Variants in RARB observed in about 807,000 individuals in gnomAD.
RARB encodes retinoic acid receptor beta.
A neutral mutation model predicts 51.9 loss-of-function variants in RARB; 17 were observed. The observed-to-expected ratio is 0.33, with a 90% CI of 0.22 to 0.49. The LOEUF is 0.49. Among genes scored for constraint, RARB ranks in the 20% least tolerant of loss-of-function variants. RARB has a pLI of 0.99. For synonymous variants in RARB, 215 were observed against 195.4 expected, an observed-to-expected ratio of 1.10 and a Z score of -0.84; for missense variants, 369 against 550.8, an observed-to-expected ratio of 0.67 and a Z score of 3.30.
intron 3 of RARB, among the ~76,000 whole-genome samples, chr3:25,119,445 T>C (rs1699743450): frequency 6.6e-6 from 1 of 152,096 alleles, no homozygotes; most frequent in Admixed American, 6.6e-5. Flanking sequence ...ATTGTGAGGA[T>C]TAAGCAAAGT....
chr3:25,166,276 A>G (rs1011864855), intron 4 of RARB, among the ~76,000 whole-genome samples: 2 of 152,220 alleles, frequency 1.3e-5, no homozygotes, highest in African/African-American at 4.8e-5. Context: ...ACCACCAGGC[A>G]TGCAAAACTG....
At chr3:24,983,630 A>G (rs1176069398) in intron 2 of RARB, among the ~76,000 whole-genome samples, 2 of 152,016 alleles carry the variant, frequency 1.3e-5, no homozygotes, top group Non-Finnish European at 2.9e-5. Flanking sequence ...GAGAACCTTT[A>G]TCTTACTACT....
chr3:24,993,142 T>C (rs1242484204), intron 2 of RARB, among the ~76,000 whole-genome samples: 1 of 152,192 alleles, frequency 6.6e-6, no homozygotes, highest in African/African-American at 2.4e-5. Flanking sequence ...TTTCTTTATA[T>C]AGGGAATACA....
Position 25,247,965 on chromosome 3 carries a change from TGA to T in RARB, c.178+73394_178+73395del, listed in dbSNP as rs1702608989. Among the ~76,000 whole-genome samples the T allele has an allele frequency of 3.3e-5, 5 of 152,354 alleles. No individual in the cohort carries two copies. In the South Asian group the frequency reaches 1.0e-3, roughly 32 times the overall value. ...TCTGTCTAGATGATCTGCTTAATGC[TGA>T]GAGTGGAGTGTTGAAGTCCCCAACT... On this transcript the variant is annotated intron_variant, in intron 5 of 11. Transcript: ENST00000383772.
At chr3:25,064,477 ACTC>A (rs1376739545) in intron 3 of RARB, among the ~76,000 whole-genome samples, 1 of 152,062 alleles carries the variant, frequency 6.6e-6, no homozygotes, top group Admixed American at 6.6e-5. Flanking sequence ...CCAAAAAAGA[ACTC>A]CTGCTTAGTG....
intron 1 of RARB, among the ~76,000 whole-genome samples, chr3:25,448,583 T>C (rs1222404750): frequency 2.0e-5 from 3 of 152,108 alleles, no homozygotes; most frequent in African/African-American, 7.2e-5. Flanking sequence ...TTCTCCTGCC[T>C]CAGCCTCCCG....
chr3:24,863,860 C>G (rs986997373), intron 2 of RARB, among the ~76,000 whole-genome samples: 1 of 152,124 alleles, frequency 6.6e-6, no homozygotes, highest in African/African-American at 2.4e-5. Flanking sequence ...CCAGAAACTT[C>G]TGTATCTATG....
At chr3:25,577,943 C>G (rs1701008682) in intron 4 of RARB, among the ~76,000 whole-genome samples, 1 of 152,274 alleles carries the variant, frequency 6.6e-6, no homozygotes, top group Non-Finnish European at 1.5e-5. Context: ...GGGACCTCCT[C>G]TGGAAGCCCT....
intron 3 of RARB, among the ~76,000 whole-genome samples, chr3:25,535,621 T>G (rs1699109115): frequency 6.6e-6 from 1 of 152,166 alleles, no homozygotes; most frequent in East Asian, 1.9e-4. Context: ...CCATGTGTTC[T>G]CATTGTTCAA....
At chr3:25,261,216 GTCA>G (rs1702989541) in intron 5 of RARB, among the ~76,000 whole-genome samples, 1 of 152,084 alleles carries the variant, frequency 6.6e-6, no homozygotes, top group South Asian at 2.1e-4. Flanking sequence ...TTAGATGATG[GTCA>G]TCATGATCAC....
intron 3 of RARB, among the ~76,000 whole-genome samples, chr3:25,096,656 G>A (rs759190426): frequency 6.6e-6 from 1 of 151,996 alleles, no homozygotes; most frequent in African/African-American, 2.4e-5. Context: ...AAAGGCAAGA[G>A]AGGGTGGAGA....
At chr3:25,167,410 G>A (rs1700577758) in intron 4 of RARB, among the ~76,000 whole-genome samples, 1 of 152,134 alleles carries the variant, frequency 6.6e-6, no homozygotes, top group Non-Finnish European at 1.5e-5. Context: ...AAGATGGACA[G>A]CAAATGTGCA....
At chr3:24,917,311 C>CT (rs976975272) in intron 2 of RARB, among the ~76,000 whole-genome samples, 1 of 152,066 alleles carries the variant, frequency 6.6e-6, no homozygotes, top group African/African-American at 2.4e-5. Context: ...AGGAAAAAAA[C>CT]TGATACATTG....
intron 4 of RARB, among the ~76,000 whole-genome samples, chr3:25,160,166 T>C (rs1700450501): frequency 6.6e-6 from 1 of 152,238 alleles, no homozygotes; most frequent in African/African-American, 2.4e-5. Flanking sequence ...AGCTCTATCA[T>C]ATATTATCTC....
chr3:25,196,603 G>A (rs1445524723), intron 5 of RARB, among the ~76,000 whole-genome samples: 1 of 152,106 alleles, frequency 6.6e-6, no homozygotes, highest in Admixed American at 6.6e-5. Context: ...GGACGGCTGG[G>A]TCAAATGGTA....
intron 5 of RARB, among the ~76,000 whole-genome samples, chr3:25,265,856 G>C (rs1003990071): frequency 6.6e-6 from 1 of 152,166 alleles, no homozygotes; most frequent in African/African-American, 2.4e-5. Context: ...GCAGGGCTGG[G>C]TTCCCTTTGA....
At chr3:25,562,436 C>T (rs1472655789) in intron 3 of RARB, among the ~76,000 whole-genome samples, 4 of 152,118 alleles carry the variant, frequency 2.6e-5, no homozygotes, top group East Asian at 1.9e-4. Context: ...GTCACAAACA[C>T]GAAGCCACAG....
intron 3 of RARB, among the ~76,000 whole-genome samples, chr3:25,550,592 G>A (rs183746801): frequency 3.3e-5 from 5 of 152,148 alleles, no homozygotes; most frequent in Admixed American, 2.0e-4. Flanking sequence ...CCATCACATC[G>A]GGGATTAGGT....
intron 5 of RARB, among the ~76,000 whole-genome samples, chr3:25,248,976 T>A (rs1264299522): frequency 1.3e-5 from 2 of 152,180 alleles, no homozygotes; most frequent in East Asian, 1.9e-4. Context: ...ATATCTAAAT[T>A]TCTTGCTAGA....
Sources: gnomAD v4.1 joint callset for allele counts (sites outside exome capture counted in the v4.1 genomes callset) on GRCh38, gnomAD v4.1.1 for gene constraint, MANE v1.5 for transcripts, NCBI Gene and HGNC (gene_info 2026-07-23, HGNC 2026-07-21) for gene names.